The following ACTMAP variants were observed in gnomAD, a reference collection of about 807,000 sequenced individuals.
The protein encoded by ACTMAP is UPF0692 protein C19orf54.
At chr19:40,747,089 G>A in the ACTMAP span, among the ~76,000 whole-genome samples, 3 of 152,084 alleles carry the variant, frequency 2.0e-5, no homozygotes, top group Admixed American at 6.6e-5. Context: ...TTATAGGCAT[G>A]AGCCACCGTG....
chr19:40,748,984 CTTTTTTT>C, the ACTMAP span, among the ~76,000 whole-genome samples: 3 of 102,528 alleles, frequency 2.9e-5, no homozygotes, highest in African/African-American at 7.9e-5. Context: ...GGCATTTGCT[CTTTTTTT>C]TTTTTTTTTT....
At chr19:40,746,761 C>T in the ACTMAP span, among the ~76,000 whole-genome samples, 3 of 152,174 alleles carry the variant, frequency 2.0e-5, no homozygotes, top group East Asian at 1.9e-4. Flanking sequence ...CCACCCGCCT[C>T]AGCCTCTGAA....
At chr19:40,742,400 G>T in the ACTMAP span, 1 of 1,445,026 alleles carries the variant, frequency 6.9e-7, no homozygotes. Flanking sequence ...AATGGTTACC[G>T]AGCTAGGCTG....
At chr19:40,746,364 C>T in the ACTMAP span, among the ~76,000 whole-genome samples, 148 of 152,006 alleles carry the variant, frequency 9.7e-4, no homozygotes, top group African/African-American at 3.4e-3. Context: ...GGATTATAGG[C>T]ATGCGCCACC....
At chr19:40,744,287 A>G in the ACTMAP span, 14 of 1,443,590 alleles carry the variant, frequency 9.7e-6, no homozygotes, top group East Asian at 5.0e-5. Context: ...AACCCTCACC[A>G]TGACCTTCCA....
chr19:40,749,888 T>G, the ACTMAP span: 1 of 1,110,348 alleles, frequency 9.0e-7, no homozygotes, highest in Non-Finnish European at 1.2e-6. Context: ...GGGATGGAGA[T>G]TTTAAAGGTT....
chr19:40,749,739 T>C, the ACTMAP span: 1 of 1,503,734 alleles, frequency 6.7e-7, no homozygotes, highest in Admixed American at 2.6e-5. Flanking sequence ...GCTGCTGGCT[T>C]GGGGTACAGG....
the ACTMAP span, chr19:40,743,935 C>T: frequency 6.2e-7 from 1 of 1,613,984 alleles, no homozygotes; most frequent in Non-Finnish European, 8.5e-7. Context: ...GCCTTGTGGC[C>T]CTTCCTCTGA....
At chr19:40,744,890 G>A in the ACTMAP span, 1 of 842,234 alleles carries the variant, frequency 1.2e-6, no homozygotes, top group Admixed American at 2.7e-5. Context: ...AGCTTCCTGG[G>A]AGGAGGAACC....
the ACTMAP span, chr19:40,743,904 C>T: frequency 6.2e-7 from 1 of 1,613,990 alleles, no homozygotes; most frequent in Non-Finnish European, 8.5e-7. Flanking sequence ...GGGGAACCCA[C>T]CTGCACTCAC....
chr19:40,744,444 G>A, the ACTMAP span: 1 of 1,506,510 alleles, frequency 6.6e-7, no homozygotes, highest in Non-Finnish European at 8.9e-7. Flanking sequence ...TGGGCAGTGG[G>A]AAGGGCCCAA....
chr19:40,745,113 C>T, the ACTMAP span: 6 of 1,551,666 alleles, frequency 3.9e-6, no homozygotes, highest in East Asian at 2.4e-5. Context: ...CTGGGGTTCC[C>T]GCATCAGGGC....
the ACTMAP span, chr19:40,741,117 G>A: frequency 6.3e-5 from 25 of 398,462 alleles, no homozygotes; most frequent in South Asian, 1.3e-4. Context: ...TGGTGGACAC[G>A]CATCCTCTTT....
chr19:40,742,866 G>A, the ACTMAP span: 2 of 1,232,162 alleles, frequency 1.6e-6, no homozygotes, highest in Non-Finnish European at 2.3e-6. Flanking sequence ...CTCCAGGGTG[G>A]GTGCAGCTGC....
At chr19:40,749,886 G>A in the ACTMAP span, 6 of 1,116,050 alleles carry the variant, frequency 5.4e-6, no homozygotes, top group South Asian at 1.2e-4. Context: ...CAGGGATGGA[G>A]ATTTTAAAGG....
the ACTMAP span, chr19:40,743,875 A>G: frequency 6.2e-7 from 1 of 1,610,506 alleles, no homozygotes; most frequent in Non-Finnish European, 8.5e-7. Context: ...ACCCAGGTTG[A>G]GGGGTGCAGA....
the ACTMAP span, among the ~76,000 whole-genome samples, chr19:40,747,620 C>T: frequency 2.6e-5 from 4 of 151,938 alleles, no homozygotes; most frequent in African/African-American, 4.8e-5. Context: ...TTTGGGTGGT[C>T]GAGACAAGAA....
the ACTMAP span, chr19:40,742,478 G>C: frequency 1.5e-5 from 22 of 1,477,568 alleles, no homozygotes; most frequent in African/African-American, 2.5e-4. Context: ...CCTGGCCACA[G>C]AGGCCAGCCC....
At chr19:40,746,977 T>C in the ACTMAP span, among the ~76,000 whole-genome samples, 10 of 152,068 alleles carry the variant, frequency 6.6e-5, no homozygotes, top group African/African-American at 2.4e-4. Flanking sequence ...CGGCTAATTT[T>C]TATATTTTTG....
Sources: allele counts gnomAD v4.1 joint callset (sites outside exome capture counted in the v4.1 genomes callset), GRCh38; gene constraint gnomAD v4.1.1; transcripts MANE v1.5; gene names NCBI Gene and HGNC (gene_info 2026-07-23, HGNC 2026-07-21).